The following QTMAN variants were observed in gnomAD, a reference collection of about 807,000 sequenced individuals.
The protein encoded by QTMAN is tRNA-queuosine alpha-mannosyltransferase.
At chr2:144,091,495 T>C in the QTMAN span, among the ~76,000 whole-genome samples, 1 of 152,198 alleles carries the variant, frequency 6.6e-6, no homozygotes, top group Non-Finnish European at 1.5e-5. Context: ...GAAAATGTTA[T>C]ACACATCTAT....
At chr2:144,170,652 T>C in the QTMAN span, among the ~76,000 whole-genome samples, 1 of 152,076 alleles carries the variant, frequency 6.6e-6, no homozygotes. Context: ...ATGTTGTGTG[T>C]TACCCAAACC....
At chr2:144,332,971 T>A in the QTMAN span, among the ~76,000 whole-genome samples, 2 of 152,282 alleles carry the variant, frequency 1.3e-5, no homozygotes, top group Non-Finnish European at 2.9e-5. Flanking sequence ...TCTCCTTTCC[T>A]GGTCCACTCC....
At chr2:144,124,378 C>A in the QTMAN span, among the ~76,000 whole-genome samples, 1 of 152,054 alleles carries the variant, frequency 6.6e-6, no homozygotes, top group Non-Finnish European at 1.5e-5. Flanking sequence ...AGTTATAATA[C>A]CTAACATATT....
chr2:144,104,562 G>A, the QTMAN span, among the ~76,000 whole-genome samples: 1 of 152,182 alleles, frequency 6.6e-6, no homozygotes, highest in Non-Finnish European at 1.5e-5. Context: ...GCTGGGGGAG[G>A]GGCGCCCACA....
the QTMAN span, chr2:143,947,016 G>T: frequency 1.4e-6 from 2 of 1,424,010 alleles, no homozygotes; most frequent in Non-Finnish European, 2.0e-6. Flanking sequence ...TTCAGATTCT[G>T]CCTTAGGCTG....
the QTMAN span, among the ~76,000 whole-genome samples, chr2:144,074,780 T>C: frequency 2.6e-5 from 4 of 152,176 alleles, no homozygotes; most frequent in Non-Finnish European, 2.9e-5. Flanking sequence ...CTTTAGATTA[T>C]ATCCAGAGTA....
At chr2:144,141,930 G>C in the QTMAN span, 1 of 1,611,522 alleles carries the variant, frequency 6.2e-7, no homozygotes, top group Non-Finnish European at 8.5e-7. Context: ...TTGGCACTTG[G>C]GTCTGATGAT....
the QTMAN span, chr2:143,945,919 G>A: frequency 1.3e-5 from 2 of 152,312 alleles, no homozygotes; most frequent in South Asian, 4.1e-4. Context: ...ATCCGGAAAA[G>A]AAACAATTGT....
At chr2:144,225,560 A>G in the QTMAN span, among the ~76,000 whole-genome samples, 1 of 152,170 alleles carries the variant, frequency 6.6e-6, no homozygotes, top group South Asian at 2.1e-4. Context: ...ATTACTCGAA[A>G]TACTAAAACC....
chr2:144,290,619 T>G, the QTMAN span, among the ~76,000 whole-genome samples: 2 of 152,250 alleles, frequency 1.3e-5, no homozygotes, highest in African/African-American at 4.8e-5. Flanking sequence ...GTTCACTGTA[T>G]GTCCTCTCAG....
At chr2:144,176,964 G>A in the QTMAN span, among the ~76,000 whole-genome samples, 1 of 152,154 alleles carries the variant, frequency 6.6e-6, no homozygotes, top group African/African-American at 2.4e-5. Context: ...CACCGCAGAC[G>A]GTAAAGGGGA....
At chr2:144,085,919 A>G in the QTMAN span, among the ~76,000 whole-genome samples, 1 of 152,170 alleles carries the variant, frequency 6.6e-6, no homozygotes, top group Non-Finnish European at 1.5e-5. Context: ...GTACCTTCCA[A>G]TGGGGGTTTT....
At chr2:144,151,087 T>A in the QTMAN span, among the ~76,000 whole-genome samples, 4 of 152,062 alleles carry the variant, frequency 2.6e-5, no homozygotes, top group Non-Finnish European at 5.9e-5. Flanking sequence ...GTAAGAACAA[T>A]AGGAAGAGCT....
chr2:143,982,830 T>C, the QTMAN span, among the ~76,000 whole-genome samples: 2 of 125,760 alleles, frequency 1.6e-5, no homozygotes, highest in Non-Finnish European at 3.2e-5. Flanking sequence ...CTCCAGCCTG[T>C]GGGGCTGAGC....
the QTMAN span, among the ~76,000 whole-genome samples, chr2:144,058,248 C>G: frequency 2.0e-5 from 3 of 151,644 alleles, no homozygotes; most frequent in African/African-American, 7.3e-5. Flanking sequence ...TCCTTGAACT[C>G]TGATGTTCCA....
At chr2:143,977,362 C>G in the QTMAN span, among the ~76,000 whole-genome samples, 1 of 152,108 alleles carries the variant, frequency 6.6e-6, no homozygotes, top group African/African-American at 2.4e-5. Flanking sequence ...CCTCCTACAC[C>G]GTGTCTCCAC....
At chr2:144,152,330 T>C in the QTMAN span, among the ~76,000 whole-genome samples, 1 of 152,210 alleles carries the variant, frequency 6.6e-6, no homozygotes, top group Non-Finnish European at 1.5e-5. Context: ...CTCTGAACTG[T>C]CTTACGGATG....
chr2:143,943,030 T>G, the QTMAN span: 1 of 152,236 alleles, frequency 6.6e-6, no homozygotes, highest in East Asian at 1.9e-4. Context: ...AACAGACTTC[T>G]CATCATGCAA....
At chr2:144,150,772 T>C in the QTMAN span, among the ~76,000 whole-genome samples, 1 of 152,138 alleles carries the variant, frequency 6.6e-6, no homozygotes, top group African/African-American at 2.4e-5. Flanking sequence ...AAAATACACA[T>C]TCACTATGGA....
Sources: gnomAD v4.1 joint callset for allele counts (sites outside exome capture counted in the v4.1 genomes callset) on GRCh38, gnomAD v4.1.1 for gene constraint, MANE v1.5 for transcripts, NCBI Gene and HGNC (gene_info 2026-07-23, HGNC 2026-07-21) for gene names.